Variants in TBC1D14 observed in about 807,000 individuals in gnomAD.
The protein encoded by TBC1D14 is TBC1 domain family member 14.
TBC1D14 carries 26 observed loss-of-function variants against 79.0 expected under a neutral mutation model. The ratio of observed to expected loss-of-function variants is 0.33; its 90% confidence interval spans 0.24 to 0.46. The LOEUF (loss-of-function observed/expected upper bound fraction) is 0.46, where lower values mean the gene tolerates loss of function less well. Ranked by LOEUF, TBC1D14 falls within the 20% of genes least tolerant of loss-of-function variation. TBC1D14 has a pLI of 1.00. For synonymous variants in TBC1D14, 394 were observed against 349.9 expected, an observed-to-expected ratio of 1.13 and a Z score of -1.40; for missense variants, 769 against 887.6, an observed-to-expected ratio of 0.87 and a Z score of 1.70.
chr4:6,984,278 C>T (rs1352274017), intron 3 of TBC1D14, among the ~76,000 whole-genome samples: 1 of 152,040 alleles, frequency 6.6e-6, no homozygotes, highest in Non-Finnish European at 1.5e-5. Flanking sequence ...TGCCTATGCT[C>T]GTGAGGGTGA....
intron 12 of TBC1D14, among the ~76,000 whole-genome samples, chr4:7,024,607 G>A (rs1722156387): frequency 6.6e-6 from 1 of 152,212 alleles, no homozygotes; most frequent in Admixed American, 6.5e-5. Context: ...GGGAACCTGT[G>A]CAGTGGCGCC....
At chr4:6,972,410 C>A (rs945006846) in intron 3 of TBC1D14, among the ~76,000 whole-genome samples, 2 of 152,204 alleles carry the variant, frequency 1.3e-5, no homozygotes, top group African/African-American at 4.8e-5. Context: ...CTTCCTTGGC[C>A]ATCAGCAGCA....
At position 6,964,444 on chromosome 4, in the gene TBC1D14, A is replaced by C. The variant is rs572700082; in HGVS notation, c.723-2860A>C. Among the ~76,000 whole-genome samples the C allele has an allele frequency of 6.4e-4, 98 of 152,294 alleles. 1 individual carries two copies. In the Middle Eastern group the frequency reaches 0.014, roughly 21 times the overall value. On this transcript the variant is annotated intron_variant, in intron 2 of 13. Transcript: ENST00000409757. ...GACTGCAGTTTCCCAGAGACAGACA[A>C]CGCCTCTTCAGCAAAATGTATACCC...
chr4:6,998,998 G>A (rs893299676), intron 5 of TBC1D14, 87 bp from the exon 6 acceptor site: 2 of 1,335,838 alleles, frequency 1.5e-6, no homozygotes, highest in Admixed American at 1.8e-5. Context: ...TTCCTGGTGT[G>A]TTCGCAGTGT....
At chr4:6,924,208 T>A in intron 2 of TBC1D14, 97 bp downstream of exon 2, 1 of 1,447,962 alleles carries the variant, frequency 6.9e-7, no homozygotes, top group Non-Finnish European at 9.1e-7. Context: ...TCTGTGGTGT[T>A]AGGCAGGCAC....
chr4:7,019,278 C>T (rs1721579541), intron 12 of TBC1D14, among the ~76,000 whole-genome samples: 1 of 152,136 alleles, frequency 6.6e-6, no homozygotes, highest in Non-Finnish European at 1.5e-5. Flanking sequence ...ACTAGGCCAC[C>T]CAAAGTGCTG....
chr4:7,029,001 C>G (rs1214446710), intron 13 of TBC1D14, among the ~76,000 whole-genome samples: 1 of 152,098 alleles, frequency 6.6e-6, no homozygotes, highest in African/African-American at 2.4e-5. Context: ...TGATACCCAG[C>G]CAATATTTGT....
At chr4:6,980,570 G>A (rs898572903) in intron 3 of TBC1D14, among the ~76,000 whole-genome samples, 6 of 152,098 alleles carry the variant, frequency 3.9e-5, no homozygotes, top group Admixed American at 1.3e-4. Context: ...ATGATAGACC[G>A]AAAGCTGGGG....
At chr4:7,017,411 C>T (rs1198707310) in intron 12 of TBC1D14, among the ~76,000 whole-genome samples, 3 of 152,180 alleles carry the variant, frequency 2.0e-5, no homozygotes, top group Non-Finnish European at 4.4e-5. Context: ...GTCTACCCGG[C>T]TCTAGAGCTG....
intron 3 of TBC1D14, among the ~76,000 whole-genome samples, chr4:6,971,276 C>T (rs911753661): frequency 7.2e-5 from 11 of 152,174 alleles, no homozygotes; most frequent in African/African-American, 2.7e-4. Context: ...AGGGATAATG[C>T]GCATGTGGTG....
intron 12 of TBC1D14, among the ~76,000 whole-genome samples, chr4:7,018,366 G>T (rs926604056): frequency 5.3e-5 from 8 of 152,150 alleles, no homozygotes; most frequent in African/African-American, 1.9e-4. Flanking sequence ...CCATTAAAAT[G>T]GCTACACTTT....
chr4:6,966,342 A>G (rs919582837), intron 2 of TBC1D14, among the ~76,000 whole-genome samples: 1 of 152,150 alleles, frequency 6.6e-6, no homozygotes, highest in Admixed American at 6.5e-5. Flanking sequence ...CCAAAATTTT[A>G]TTTTGTGTTA....
chr4:6,943,113 A>G (rs1713069926), intron 2 of TBC1D14, among the ~76,000 whole-genome samples: 1 of 152,128 alleles, frequency 6.6e-6, no homozygotes, highest in Non-Finnish European at 1.5e-5. Context: ...GTTGTTCGGT[A>G]TTACACCAAA....
chr4:7,018,263 C>T (rs115433179), intron 12 of TBC1D14, among the ~76,000 whole-genome samples: 2,496 of 151,968 alleles, frequency 0.016, 67 homozygotes, highest in African/African-American at 0.057. Context: ...AGCTAACTGC[C>T]TGAGCAAGAG....
intron 2 of TBC1D14, among the ~76,000 whole-genome samples, chr4:6,937,948 G>C (rs1712507811): frequency 6.6e-6 from 1 of 152,138 alleles, no homozygotes; most frequent in South Asian, 2.1e-4. Flanking sequence ...CTCCCCCCGG[G>C]GCCGTTGCAT....
At chr4:6,932,243 C>T (rs2108948734) in intron 2 of TBC1D14, among the ~76,000 whole-genome samples, 1 of 152,056 alleles carries the variant, frequency 6.6e-6, no homozygotes, top group Non-Finnish European at 1.5e-5. Flanking sequence ...ACCTGTAATC[C>T]CAGCTACTCG....
intron 5 of TBC1D14, among the ~76,000 whole-genome samples, chr4:6,997,507 T>G (rs1719180432): frequency 6.6e-6 from 1 of 152,122 alleles, no homozygotes; most frequent in African/African-American, 2.4e-5. Flanking sequence ...ATGCCTGTAG[T>G]CCCAGCTACT....
intron 2 of TBC1D14, among the ~76,000 whole-genome samples, chr4:6,925,908 C>A (rs937429156): frequency 6.6e-6 from 1 of 152,120 alleles, no homozygotes; most frequent in Non-Finnish European, 1.5e-5. Context: ...AGAAGCTCAG[C>A]GAGAAGGGCC....
At chr4:6,991,899 T>C (rs1382027005) in intron 3 of TBC1D14, among the ~76,000 whole-genome samples, 3 of 152,244 alleles carry the variant, frequency 2.0e-5, no homozygotes, top group African/African-American at 7.2e-5. Context: ...TTTCTGGTCA[T>C]GACTCAAGGC....
Sources: allele counts gnomAD v4.1 joint callset (sites outside exome capture counted in the v4.1 genomes callset), GRCh38; gene constraint gnomAD v4.1.1; transcripts MANE v1.5; gene names NCBI Gene and HGNC (gene_info 2026-07-23, HGNC 2026-07-21).